Variants in DLG2 observed in about 807,000 individuals in gnomAD.
The protein encoded by DLG2 is disks large homolog 2.
A neutral mutation model predicts 132.5 loss-of-function variants in DLG2; 45 were observed. That is an observed-to-expected ratio of 0.34 (90% CI 0.27 to 0.44). DLG2 has a LOEUF of 0.44. Among genes scored for constraint, DLG2 ranks in the 20% least tolerant of loss-of-function variants. DLG2 has a pLI of 1.00. For synonymous variants in DLG2, 424 were observed against 419.6 expected (o/e 1.01, Z -0.13); for missense variants, 1,045 against 1,196.9 (o/e 0.87, Z 1.87).
At chr11:84,865,669 C>T (rs34797118) in intron 6 of DLG2, among the ~76,000 whole-genome samples, 2 of 152,092 alleles carry the variant, frequency 1.3e-5, no homozygotes, top group Admixed American at 1.3e-4. Flanking sequence ...CAAAAGTATC[C>T]TAACACAACA....
At chr11:85,501,764 AAAC>A (rs1302267792) in intron 3 of DLG2, among the ~76,000 whole-genome samples, 4 of 152,164 alleles carry the variant, frequency 2.6e-5, no homozygotes, top group Non-Finnish European at 5.9e-5. Context: ...AAAAGTCAGG[AAAC>A]AACAGATGCT....
At chr11:84,970,220 C>G (rs1301362209) in intron 6 of DLG2, among the ~76,000 whole-genome samples, 1 of 152,004 alleles carries the variant, frequency 6.6e-6, no homozygotes, top group Non-Finnish European at 1.5e-5. Flanking sequence ...CTGACCAATA[C>G]TAAGCCAAAT....
At chr11:85,070,955 C>G (rs2065777410) in intron 6 of DLG2, among the ~76,000 whole-genome samples, 1 of 151,862 alleles carries the variant, frequency 6.6e-6, no homozygotes, top group Non-Finnish European at 1.5e-5. Context: ...CAGTGAAGAG[C>G]TTGGACACTG....
chr11:84,134,801 G>C (rs1208575948), intron 9 of DLG2, among the ~76,000 whole-genome samples: 1 of 151,760 alleles, frequency 6.6e-6, no homozygotes, highest in Non-Finnish European at 1.5e-5. Flanking sequence ...GGAGTGTCCT[G>C]ATACTTCTAC....
Position 84,632,859 on chromosome 11 carries a change from T to G in DLG2, c.358-98128A>C, listed in dbSNP as rs138552604. The stretch of plus-strand genomic sequence containing the variant: ...GAATTTTTACATCCTTTAGTTTTAC[T>G]GCACGCAAGCTCCTGTCTTTGGGTA... On this transcript the variant is annotated intron_variant, in intron 6 of 27. Transcript: ENST00000376104. 2.0e-5 allele frequency among the ~76,000 whole-genome samples: 3 copies of G among 152,348 alleles called. No homozygotes were observed. The East Asian group carries it at 5.8e-4, about 29-fold the overall frequency.
intron 19 of DLG2, among the ~76,000 whole-genome samples, chr11:83,544,497 C>G (rs890646560): frequency 2.0e-5 from 3 of 152,096 alleles, no homozygotes; most frequent in African/African-American, 7.2e-5. Context: ...CACTGACTAA[C>G]TCCAGAATAT....
intron 6 of DLG2, among the ~76,000 whole-genome samples, chr11:85,051,268 C>T (rs1044905757): frequency 6.6e-6 from 1 of 152,126 alleles, no homozygotes; most frequent in East Asian, 1.9e-4. Context: ...GAAATATATA[C>T]TTGCAGTAAA....
chr11:83,680,051 G>T (rs1420525974), intron 18 of DLG2, among the ~76,000 whole-genome samples: 2 of 152,140 alleles, frequency 1.3e-5, no homozygotes, highest in African/African-American at 2.4e-5. Context: ...TGTCCTGTAA[G>T]AGGGTTCTTG....
At chr11:85,259,970 T>C (rs2152712387) in intron 4 of DLG2, among the ~76,000 whole-genome samples, 1 of 152,206 alleles carries the variant, frequency 6.6e-6, no homozygotes, top group Admixed American at 6.5e-5. Context: ...AATGAAGAAA[T>C]ATGTTGGTGA....
chr11:84,686,782 T>C (rs1313690510), intron 6 of DLG2: 1 of 151,986 alleles, frequency 6.6e-6, no homozygotes, highest in Non-Finnish European at 1.5e-5. Context: ...AGAAAGAGAC[T>C]TGTGGTTGGG....
chr11:85,008,210 A>G (rs1592605614), intron 6 of DLG2, among the ~76,000 whole-genome samples: 4 of 152,296 alleles, frequency 2.6e-5, no homozygotes, highest in Admixed American at 1.3e-4. Flanking sequence ...TTAGGGTTAA[A>G]GATAAGCATT....
intron 19 of DLG2, among the ~76,000 whole-genome samples, chr11:83,580,907 TCC>T (rs2096963701): frequency 1.2e-5 from 1 of 86,032 alleles, no homozygotes; most frequent in African/African-American, 4.4e-5. Flanking sequence ...TCCCCTCCCC[TCC>T]CCTCCCCTTT....
chr11:84,843,319 G>T (rs2080952930), intron 6 of DLG2, among the ~76,000 whole-genome samples: 1 of 151,236 alleles, frequency 6.6e-6, no homozygotes, highest in African/African-American at 2.4e-5. Flanking sequence ...AAGGGATTCG[G>T]TACTGGATCT....
At chr11:85,594,759 C>T (rs1399799119) in intron 3 of DLG2, among the ~76,000 whole-genome samples, 2 of 152,100 alleles carry the variant, frequency 1.3e-5, no homozygotes, top group East Asian at 3.9e-4. Context: ...TTTAGAAGTA[C>T]AAAAATAATT....
chr11:85,392,325 A>G (rs902452486), intron 3 of DLG2, among the ~76,000 whole-genome samples: 1 of 152,076 alleles, frequency 6.6e-6, no homozygotes, highest in Non-Finnish European at 1.5e-5. Context: ...ATGCTTAAGG[A>G]TGGGTAGAAT....
chr11:84,863,838 G>A (rs2084137915), intron 6 of DLG2, among the ~76,000 whole-genome samples: 1 of 152,170 alleles, frequency 6.6e-6, no homozygotes, highest in Admixed American at 6.6e-5. Context: ...GCCCAGCTGG[G>A]TTGTTTTCTG....
chr11:83,499,579 G>C (rs1285959808), intron 21 of DLG2, among the ~76,000 whole-genome samples: 1 of 151,046 alleles, frequency 6.6e-6, no homozygotes, highest in Non-Finnish European at 1.5e-5. Context: ...AATGTATCAT[G>C]ATTGCTTTTT....
chr11:85,597,005 G>T (rs1210335819), intron 3 of DLG2, among the ~76,000 whole-genome samples: 2 of 152,174 alleles, frequency 1.3e-5, no homozygotes, highest in Admixed American at 1.3e-4. Flanking sequence ...TGGGCACTGG[G>T]ATTACTTACA....
At chr11:84,894,440 T>A (rs2089903111) in intron 6 of DLG2, among the ~76,000 whole-genome samples, 1 of 152,104 alleles carries the variant, frequency 6.6e-6, no homozygotes, top group African/African-American at 2.4e-5. Context: ...CATGTTAAGC[T>A]CCAAATTATG....
Sources: gnomAD v4.1 joint callset for allele counts (sites outside exome capture counted in the v4.1 genomes callset) on GRCh38, gnomAD v4.1.1 for gene constraint, MANE v1.5 for transcripts, NCBI Gene and HGNC (gene_info 2026-07-23, HGNC 2026-07-21) for gene names.